Variants in DDX4 observed in about 807,000 individuals in gnomAD.
The protein encoded by DDX4 is DEAD-box helicase 4.
In DDX4, 25 loss-of-function variants were observed where a neutral mutation model predicts 100.0. The ratio of observed to expected loss-of-function variants is 0.25; its 90% CI spans 0.18 to 0.35. The LOEUF (loss-of-function observed/expected upper bound fraction) is 0.35. DDX4 is among the 10% of genes least tolerant of loss of function. The pLI, the probability that DDX4 is intolerant of heterozygous loss-of-function variation, is 1.00. For missense variants in DDX4, 635 were observed against 882.4 expected, an observed-to-expected ratio of 0.72 and a Z score of 3.55; for synonymous variants, 259 against 275.7, an observed-to-expected ratio of 0.94 and a Z score of 0.60.
chr5:55,790,847 T>TTATA (rs1742521200), intron 16 of DDX4, 142 bp downstream of exon 16: 1 of 729,686 alleles, frequency 1.4e-6, no homozygotes, highest in African/African-American at 1.8e-5. Context: ...GAATGCATTC[T>TTATA]TATATAATTC....
At chr5:55,815,905 G>C (rs963233535) in intron 21 of DDX4, among the ~76,000 whole-genome samples, 4 of 149,550 alleles carry the variant, frequency 2.7e-5, no homozygotes, top group African/African-American at 9.9e-5. Context: ...CAGTGTATCT[G>C]GGATTACAGG....
intron 6 of DDX4, among the ~76,000 whole-genome samples, chr5:55,765,208 A>G (rs966710226): frequency 3.3e-5 from 5 of 151,640 alleles, no homozygotes; most frequent in African/African-American, 1.2e-4. Flanking sequence ...AACTCATTTA[A>G]TATTCAAGAT....
At chr5:55,802,274 T>C (rs1743361977) in intron 18 of DDX4, among the ~76,000 whole-genome samples, 2 of 152,124 alleles carry the variant, frequency 1.3e-5, no homozygotes, top group Admixed American at 6.5e-5. Context: ...GGGGTGTCAG[T>C]GAGATGCGAG....
At position 55,815,438 on chromosome 5, in the gene DDX4, A is replaced by G; in HGVS notation, c.2097+15A>G. ...ATACCAGAAAGGTTAGTAGAAAGGA[A>G]AACTTGAGAACTTGTCTTCTAGTTA... On this transcript the variant is annotated intron_variant, in intron 21 of 21. Transcript: ENST00000505374. The G allele has an allele frequency of 1.9e-6, 3 of 1,598,372 alleles. No homozygotes were observed. The highest frequency in any genetic ancestry group is 2.6e-6 in the Non-Finnish European group (3 of 1,176,452).
intron 7 of DDX4, among the ~76,000 whole-genome samples, chr5:55,772,024 G>C (rs1479587084): frequency 6.6e-6 from 1 of 152,122 alleles, no homozygotes; most frequent in Non-Finnish European, 1.5e-5. Flanking sequence ...TTCGAGACCA[G>C]CCTGGCCAAT....
intron 18 of DDX4, among the ~76,000 whole-genome samples, chr5:55,810,232 G>A (rs1370041648): frequency 2.6e-5 from 4 of 152,064 alleles, no homozygotes; most frequent in Non-Finnish European, 4.4e-5. Flanking sequence ...AGCCTCCCCA[G>A]TAGCTGGGAT....
At chr5:55,755,401 A>G (rs1037157095) in intron 3 of DDX4, among the ~76,000 whole-genome samples, 6 of 152,142 alleles carry the variant, frequency 3.9e-5, no homozygotes, top group African/African-American at 1.4e-4. Flanking sequence ...ATGGCTTTTT[A>G]GAATTACTGA....
chr5:55,750,742 GT>G (rs2111656237), intron 3 of DDX4, among the ~76,000 whole-genome samples: 2 of 152,238 alleles, frequency 1.3e-5, no homozygotes, highest in Admixed American at 1.3e-4. Flanking sequence ...TTTTAAACGT[GT>G]GTTTTCTGAG....
intron 17 of DDX4, among the ~76,000 whole-genome samples, chr5:55,797,428 A>G (rs888550077): frequency 5.3e-5 from 8 of 152,218 alleles, no homozygotes; most frequent in African/African-American, 1.9e-4. Flanking sequence ...GTGATGGATA[A>G]TCATCTGAAG....
intron 7 of DDX4, among the ~76,000 whole-genome samples, chr5:55,773,831 G>A (rs773757376): frequency 2.0e-5 from 3 of 151,716 alleles, no homozygotes; most frequent in Non-Finnish European, 4.4e-5. Flanking sequence ...ACTACATTGC[G>A]CAGGCTGATA....
intron 10 of DDX4, among the ~76,000 whole-genome samples, chr5:55,783,045 G>A (rs535951525): frequency 1.3e-5 from 2 of 152,082 alleles, no homozygotes; most frequent in South Asian, 4.2e-4. Flanking sequence ...GCCCACCTCA[G>A]CCTCCCAAAG....
At chr5:55,802,946 A>T (rs1743415972) in intron 18 of DDX4, among the ~76,000 whole-genome samples, 1 of 151,742 alleles carries the variant, frequency 6.6e-6, no homozygotes, top group African/African-American at 2.4e-5. Flanking sequence ...CTTTTTTTTT[A>T]CAGTAAACCC....
chr5:55,781,194 T>G, intron 9 of DDX4, 48 bp downstream of exon 9: 1 of 1,455,876 alleles, frequency 6.9e-7, no homozygotes, highest in Non-Finnish European at 9.5e-7. Context: ...ATGTATGTTT[T>G]TAGCACTAGG....
intron 18 of DDX4, among the ~76,000 whole-genome samples, chr5:55,805,645 GA>G (rs1743648732): frequency 6.6e-6 from 1 of 152,096 alleles, no homozygotes; most frequent in Admixed American, 6.5e-5. Flanking sequence ...TGCATACATT[GA>G]ACCAGCCTTG....
intron 6 of DDX4, among the ~76,000 whole-genome samples, chr5:55,765,971 A>ATT (rs34999279): frequency 3.8e-5 from 5 of 131,406 alleles, no homozygotes; most frequent in African/African-American, 5.7e-5. Flanking sequence ...CGCCCGACTA[A>ATT]TTTTTTTTTT....
chr5:55,781,489 C>T (rs1371300014), intron 9 of DDX4, among the ~76,000 whole-genome samples: 1 of 152,090 alleles, frequency 6.6e-6, no homozygotes, highest in Non-Finnish European at 1.5e-5. Context: ...TAAAGTTAAA[C>T]CTAGAGGCCG....
intron 18 of DDX4, among the ~76,000 whole-genome samples, chr5:55,803,459 A>T (rs565507569): frequency 3.0e-5 from 4 of 131,418 alleles, no homozygotes; most frequent in African/African-American, 8.6e-5. Flanking sequence ...ATATCTCCCA[A>T]TGCTATCCCT....
chr5:55,751,643 A>G (rs1194748354), intron 3 of DDX4, among the ~76,000 whole-genome samples: 1 of 152,128 alleles, frequency 6.6e-6, no homozygotes, highest in Admixed American at 6.5e-5. Context: ...CTATTTGTCT[A>G]TTGAGCTAGC....
chr5:55,743,135 A>G (rs1330049829), intron 2 of DDX4, among the ~76,000 whole-genome samples: 1 of 152,178 alleles, frequency 6.6e-6, no homozygotes, highest in Non-Finnish European at 1.5e-5. Context: ...ATAGTTCTGG[A>G]AGCCTGAAGT....
Sources: gnomAD v4.1 joint callset for allele counts (sites outside exome capture counted in the v4.1 genomes callset) on GRCh38, gnomAD v4.1.1 for gene constraint, MANE v1.5 for transcripts, NCBI Gene and HGNC (gene_info 2026-07-23, HGNC 2026-07-21) for gene names.